TEX22: variants seen among roughly 807,000 people sequenced by gnomAD.
The protein encoded by TEX22 is testis expressed 22.
A neutral mutation model predicts 11.3 loss-of-function variants in TEX22; 16 were observed. The observed-to-expected ratio is 1.42, with a 90% CI of 0.96 to 2.15. The LOEUF (loss-of-function observed/expected upper bound fraction) is 2.15. TEX22 is among the 30% of genes most tolerant of loss of function. The pLI is 0.00. For synonymous variants in TEX22, 97 were observed against 92.3 expected, an observed-to-expected ratio of 1.05 and a Z score of -0.29; for missense variants, 220 against 208.6, an observed-to-expected ratio of 1.05 and a Z score of -0.34.
At chr14:105,399,030 C>T (rs1198066982) in intron 1 of TEX22, among the ~76,000 whole-genome samples, 2 of 152,250 alleles carry the variant, frequency 1.3e-5, no homozygotes, top group Admixed American at 6.5e-5. Context: ...GCGTGGAGTC[C>T]GTGCAGCAGG....
intron 2 of TEX22, among the ~76,000 whole-genome samples, chr14:105,410,762 A>G (rs779718563): frequency 2.0e-4 from 30 of 152,074 alleles, no homozygotes; most frequent in Admixed American, 1.0e-3. Context: ...CCTGCAGCCC[A>G]CGTGGGAAGT....
chr14:105,399,333 G>C lies in TEX22; in HGVS notation c.-8G>C. ...GAGGTGTGGACAAGCAGCCTACTAG[G>C]GCTAGAGATGGACAGCAGGAAACTG... On this transcript the variant is annotated 5_prime_UTR_variant, in exon 2 of 4. Transcript: ENST00000451127. The C allele has an allele frequency of 1.3e-6, 2 of 1,535,214 alleles. No homozygotes were observed. The highest frequency in any genetic ancestry group is 4.9e-5 in the East Asian group (2 of 40,906).
intron 2 of TEX22, among the ~76,000 whole-genome samples, chr14:105,402,520 T>C (rs144794255): frequency 0.052 from 7,783 of 149,138 alleles, 475 homozygotes; most frequent in African/African-American, 0.15. Context: ...TTTGGGAGGC[T>C]GGGGCGGGCA....
chr14:105,404,376 C>T (rs967568214), intron 2 of TEX22, among the ~76,000 whole-genome samples: 1 of 152,210 alleles, frequency 6.6e-6, no homozygotes, highest in Admixed American at 6.5e-5. Flanking sequence ...TCACACTCCT[C>T]TCTTTCTACA....
chr14:105,409,912 C>T (rs1415069430), intron 2 of TEX22, among the ~76,000 whole-genome samples: 1 of 151,856 alleles, frequency 6.6e-6, no homozygotes, highest in Non-Finnish European at 1.5e-5. Flanking sequence ...GTAGCAAGGA[C>T]TACAGGCATG....
intron 2 of TEX22, among the ~76,000 whole-genome samples, chr14:105,408,726 A>C (rs1555419049): frequency 6.6e-6 from 1 of 151,804 alleles, no homozygotes; most frequent in East Asian, 1.9e-4. Flanking sequence ...GCCCGGCCGC[A>C]CTGCCTCCTT....
At chr14:105,406,399 A>C (rs2081658711) in intron 2 of TEX22, among the ~76,000 whole-genome samples, 1 of 152,204 alleles carries the variant, frequency 6.6e-6, no homozygotes, top group African/African-American at 2.4e-5. Flanking sequence ...AGCAATGAGG[A>C]AACTATTTTT....
In TEX22 at chr14:105,409,775, TTCTC is replaced by T. The variant is rs202073273; in HGVS notation, c.151-1585_151-1582del. Among the ~76,000 whole-genome samples the T allele has an allele frequency of 1.4e-3, 204 of 150,204 alleles. 4 individuals are homozygous for T. The East Asian group carries it at 0.031, about 23-fold the overall frequency. On this transcript the variant is annotated intron_variant, in intron 2 of 3. Coordinates refer to ENST00000451127, the MANE Select transcript of TEX22 (RefSeq NM_001195082.2). ...TTTCTCCTTCCTTCCTTCTTTTTCT[TTCTC>T]TCTCTCTTTTTTTTTTTTCCAGAGT... is the stretch of plus-strand genomic sequence containing the variant.
intron 3 of TEX22, 61 bp from the exon 4 acceptor site, chr14:105,411,599 C>T: frequency 6.8e-7 from 1 of 1,478,732 alleles, no homozygotes; most frequent in Non-Finnish European, 8.9e-7. Context: ...CCCGGCGCTC[C>T]CGGGCCCCGC....
At position 105,412,698 on chromosome 14, in the gene TEX22, G is replaced by T. The variant is rs1253390462; in HGVS notation, c.*865G>T. Reference sequence around the variant, plus strand: ...TGTGAGCATGGGTTCCCAGCCCGGGGTGGGTGGGGGTGGGGAAAGGGCCCT... The same window carrying T: ...TGTGAGCATGGGTTCCCAGCCCGGGTTGGGTGGGGGTGGGGAAAGGGCCCT... On this transcript the variant is annotated 3_prime_UTR_variant, in exon 4 of 4. Coordinates refer to ENST00000451127, the MANE Select transcript of TEX22 (RefSeq NM_001195082.2). The surrounding 1 kb of genome is among the most constrained non-coding windows in gnomAD (Gnocchi z 5.8). 1.3e-5 allele frequency: 2 copies of T among 151,764 alleles called. No individual in the cohort carries two copies. Among genetic ancestry groups the T allele is most frequent in the Admixed American group, 1.3e-4 (2 of 15,232 alleles). The allele number at this position is 151,764 out of a possible 1,614,324, so 9.4% of individuals were successfully genotyped here.
chr14:105,411,491 TGCAGGGTGC>T lies in TEX22; in HGVS notation c.277_279+6del. On this transcript the variant is annotated splice_donor_variant and splice_donor_region_variant and coding_sequence_variant and intron_variant, in exon 3 of 4. Coordinates refer to ENST00000451127, the MANE Select transcript of TEX22 (RefSeq NM_001195082.2). LOFTEE classifies it high-confidence loss of function. ...GGGCGCCGCCGGGACCCAGCTGCAC[TGCAGGGTGC>T]GCGGGGGGCGGGTCCTCCCCGCCCC... The T allele has an allele frequency of 1.6e-6, 2 of 1,251,604 alleles. No homozygotes were observed. Among genetic ancestry groups the T allele is most frequent in the East Asian group, 3.3e-5 (1 of 30,678 alleles). The allele number at this position is 1,251,604 out of a possible 1,614,324, so 77.5% of individuals were successfully genotyped here.
At chr14:105,402,521 G>GAAGT (rs1246320540) in intron 2 of TEX22, among the ~76,000 whole-genome samples, 2 of 152,024 alleles carry the variant, frequency 1.3e-5, no homozygotes, top group Non-Finnish European at 2.9e-5. Context: ...TTGGGAGGCT[G>GAAGT]GGGCGGGCAG....
chr14:105,404,300 C>T (rs1406545992), intron 2 of TEX22, among the ~76,000 whole-genome samples: 1 of 152,168 alleles, frequency 6.6e-6, no homozygotes, highest in Non-Finnish European at 1.5e-5. Context: ...CTGGCTTCCC[C>T]CAGAGTGAGT....
At chr14:105,400,886 A>G (rs1944659234) in intron 2 of TEX22, among the ~76,000 whole-genome samples, 2 of 152,212 alleles carry the variant, frequency 1.3e-5, no homozygotes. Context: ...ACTCCCAAAC[A>G]AGAAATTAGT....
chr14:105,400,454 C>T (rs2081620820), intron 2 of TEX22, among the ~76,000 whole-genome samples: 1 of 152,156 alleles, frequency 6.6e-6, no homozygotes, highest in Non-Finnish European at 1.5e-5. Flanking sequence ...CATAGGTCAC[C>T]TGTCTAGTGA....
Position 105,399,367 on chromosome 14 carries a change from GGGGAA to G in TEX22, c.29_33del (p.Gly10GlufsTer128). ...TGGACAGCAGGAAACTGTCCCCCCGGGGGAAGAAGCTGGAGTCGCACCTCTCCCAA... is the reference window on the plus strand; with the variant it reads ...TGGACAGCAGGAAACTGTCCCCCCGGGAAGCTGGAGTCGCACCTCTCCCAA... On this transcript the variant is annotated frameshift_variant, in exon 2 of 4. Coordinates refer to ENST00000451127, the MANE Select transcript of TEX22 (RefSeq NM_001195082.2). LOFTEE classifies it high-confidence loss of function. The G allele has an allele frequency of 1.3e-6, 2 of 1,535,778 alleles. No individual in the cohort carries two copies. The highest frequency in any genetic ancestry group is 1.7e-6 in the Non-Finnish European group (2 of 1,146,776).
At chr14:105,401,789 G>A (rs959306960) in intron 2 of TEX22, among the ~76,000 whole-genome samples, 2 of 152,140 alleles carry the variant, frequency 1.3e-5, no homozygotes, top group African/African-American at 2.4e-5. Context: ...GGGAAGAGAT[G>A]GACATCTCCA....
At chr14:105,406,020 A>G (rs1036750585) in intron 2 of TEX22, among the ~76,000 whole-genome samples, 6 of 152,210 alleles carry the variant, frequency 3.9e-5, no homozygotes, top group Non-Finnish European at 8.8e-5. Context: ...TGAGCATGGC[A>G]TTTCAGAGTA....
At chr14:105,409,695 C>A (rs1394534556) in intron 2 of TEX22, among the ~76,000 whole-genome samples, 1 of 150,192 alleles carries the variant, frequency 6.7e-6, no homozygotes, top group Non-Finnish European at 1.5e-5. Context: ...TTTTCTGTTT[C>A]TTTCTCCCTT....
Sources: allele counts gnomAD v4.1 joint callset (sites outside exome capture counted in the v4.1 genomes callset), GRCh38; gene constraint gnomAD v4.1.1; non-coding constraint Gnocchi (gnomAD v3.1); transcripts MANE v1.5; gene names NCBI Gene and HGNC (gene_info 2026-07-23, HGNC 2026-07-21).